Variants in TFAP2C observed in about 807,000 individuals in gnomAD.
TFAP2C encodes the protein activating enhancer-binding protein 2 gamma.
In TFAP2C, 9 loss-of-function variants were observed where a neutral mutation model predicts 42.9. That is an observed-to-expected ratio of 0.21 (90% CI 0.13 to 0.37). TFAP2C has a LOEUF of 0.37. Ranked by LOEUF, TFAP2C falls within the 10% of genes least tolerant of loss-of-function variation. TFAP2C has a pLI of 1.00. For missense variants in TFAP2C, 462 were observed against 591.7 expected, an observed-to-expected ratio of 0.78 and a Z score of 2.27; for synonymous variants, 264 against 256.0, an observed-to-expected ratio of 1.03 and a Z score of -0.30.
chr20:56,637,687 A>T (rs1364938591), intron 6 of TFAP2C, 41 bp from the exon 7 acceptor site: 2 of 1,603,412 alleles, frequency 1.2e-6, no homozygotes, highest in Admixed American at 1.7e-5. Flanking sequence ...ACCTGTAAGG[A>T]GCTAGATGGA....
Position 56,637,851 on chromosome 20 carries a change from C to G in TFAP2C, c.1191C>G (p.Thr397=), listed in dbSNP as rs780319718. Residue 397 remains threonine, a synonymous_variant, in exon 7 of 7, where the codon ACC becomes ACG. Coordinates refer to ENST00000201031, the MANE Select transcript of TFAP2C (RefSeq NM_003222.4). Reference sequence around the variant, plus strand: ...GCTTGTCTCATTTCAGCCTGATTACCCACGGGTTTGGCAGCCAGGCCATCT... The same window carrying G: ...GCTTGTCTCATTTCAGCCTGATTACGCACGGGTTTGGCAGCCAGGCCATCT... The part of the protein sequence containing the change: ...QNCLSHFSLI[T]HGFGSQAICA... The G allele has an allele frequency of 1.2e-6, 2 of 1,608,992 alleles. No individual in the cohort carries two copies. The highest frequency in any genetic ancestry group is 1.7e-5 in the Admixed American group (1 of 60,028).
At chr20:56,637,645 C>T (rs1987610428) in intron 6 of TFAP2C, 83 bp from the exon 7 acceptor site, 8 of 1,435,674 alleles carry the variant, frequency 5.6e-6, no homozygotes, top group Non-Finnish European at 5.7e-6. Flanking sequence ...CTCCCGGGCG[C>T]CAGCCTCAGT....
chr20:56,634,019 C>T (rs930524083), intron 4 of TFAP2C, 131 bp from the exon 5 acceptor site: 3 of 682,738 alleles, frequency 4.4e-6, no homozygotes, highest in Admixed American at 2.4e-5. Flanking sequence ...TTATGGTTCA[C>T]GTGATGTAGA....
chr20:56,634,200 T>C lies in TFAP2C; in HGVS notation c.854T>C (p.Ile285Thr). 1 of 1,614,164 alleles carries C rather than the reference T, an allele frequency of 6.2e-7. No individual in the cohort carries two copies. Among genetic ancestry groups the C allele is most frequent in the Non-Finnish European group, 8.5e-7 (1 of 1,180,020 alleles). ...TCCTTGCGGGAGAAGTTGGACAAGA[T>C]TGGGTTGAATCTTCCGGCCGGGAGG... ...GRSLREKLDK[I>T]GLNLPAGRRK... Residue 285 changes from isoleucine (I) to threonine (T), a missense_variant, in exon 5 of 7, where the codon ATT (isoleucine) becomes ACT (threonine). Transcript: ENST00000201031.
chr20:56,636,834 G>C, intron 6 of TFAP2C, 80 bp downstream of exon 6: 2 of 1,459,950 alleles, frequency 1.4e-6, no homozygotes, highest in Non-Finnish European at 1.8e-6. Context: ...CCACAGTCCC[G>C]ATGGCTCAAC....
intron 3 of TFAP2C, among the ~76,000 whole-genome samples, chr20:56,632,643 A>G (rs1365963823): frequency 6.6e-6 from 1 of 152,202 alleles, no homozygotes; most frequent in African/African-American, 2.4e-5. Flanking sequence ...AGAACGTATT[A>G]GTTTGGATGA....
chr20:56,634,296 G>A, intron 5 of TFAP2C, 28 bp downstream of exon 5: 1 of 1,522,420 alleles, frequency 6.6e-7, no homozygotes, highest in Non-Finnish European at 9.1e-7. Flanking sequence ...TTTGGTTCGT[G>A]ATGTTTTTAA....
In TFAP2C at chr20:56,629,553, GA is replaced by G; in HGVS notation, c.13del (p.Ile5Ter). Reference protein sequence around the residue: MLWKITDNVKYEED... With the variant: MLWXITDNVKYEED... ...GGGGGACGCCGGACGCCATGTTGTG[GA>G]AAATAACCGATAATGTCAAGTACGA... On this transcript the variant is annotated frameshift_variant, in exon 1 of 7. Transcript: ENST00000201031. LOFTEE classifies it high-confidence loss of function. This position sits in a 1 kb window ranked among gnomAD's most constrained non-coding sequence, Gnocchi z 5.9. 1 of 1,430,384 alleles carries G rather than the reference GA, an allele frequency of 7.0e-7. No individual in the cohort carries two copies. 88.6% of individuals were successfully genotyped at this position (1,430,384 alleles called of 1,614,324 possible).
rs1382089333 is a variant in TFAP2C at position 56,631,469 on chromosome 20, G to T, written c.313G>T (p.Gly105Cys). ...AGGCAGCCAGCAGCAGGCCTGGCCC[G>T]GCCGCCAGAGCCAGGAGGGAGCGGG... ...PTGSQQQAWP[G>C]RQSQEGAGLP... Residue 105 changes from glycine (G) to cysteine (C), a missense_variant, in exon 2 of 7, where the codon GGC (glycine) becomes TGC (cysteine). By Grantham distance (159) the Gly-to-Cys change is radical (BLOSUM62 -3). This residue lies in a region of TFAP2C where 271 missense variants were observed against 269.7 expected (regional missense o/e 1.00). Coordinates refer to ENST00000201031, the MANE Select transcript of TFAP2C (RefSeq NM_003222.4). The surrounding 1 kb of genome is among the most constrained non-coding windows in gnomAD (Gnocchi z 6.1). The T allele has an allele frequency of 1.3e-6, 2 of 1,537,696 alleles. No individual in the cohort carries two copies. The highest frequency in any genetic ancestry group is 1.2e-5 in the South Asian group (1 of 81,750).
intron 4 of TFAP2C, 109 bp from the exon 5 acceptor site, chr20:56,634,041 G>A: frequency 2.7e-6 from 2 of 739,200 alleles, no homozygotes; most frequent in Non-Finnish European, 4.7e-6. Context: ...AGTCTTTGAT[G>A]GGTTTCAGCT....
Position 56,630,831 on chromosome 20 carries a change from G to A in TFAP2C, c.49-374G>A, listed in dbSNP as rs368862120. 6.0e-5 allele frequency: 59 copies of A among 984,124 alleles called. No homozygotes were observed. In the African/African-American group the frequency reaches 9.5e-4, roughly 16 times the overall value. 61.0% of individuals were successfully genotyped at this position (984,124 alleles called of 1,614,324 possible). A position where few individuals can be genotyped will look rare whatever the true frequency, so the allele number is the denominator to read the frequency against. The stretch of plus-strand genomic sequence containing the variant: ...GAGATAGCTCTGCACCGGGCGTCCG[G>A]CTCCTTCGCCCCGGGCTCTGGCTCC... On this transcript the variant is annotated intron_variant, in intron 1 of 6. Transcript: ENST00000201031. The surrounding 1 kb of genome is among the most constrained non-coding windows in gnomAD (Gnocchi z 5.1).
intron 3 of TFAP2C, among the ~76,000 whole-genome samples, chr20:56,632,904 G>C (rs1987518204): frequency 6.6e-6 from 1 of 151,880 alleles, no homozygotes; most frequent in South Asian, 2.1e-4. Flanking sequence ...GATTAGATTT[G>C]TCTCTGAAGT....
At chr20:56,637,291 C>T (rs182399348) in intron 6 of TFAP2C, among the ~76,000 whole-genome samples, 264 of 152,270 alleles carry the variant, frequency 1.7e-3, no homozygotes, top group Middle Eastern at 3.4e-3. Flanking sequence ...TAAAAGAGAG[C>T]GCAGTGAACC....
rs1213887475 is a variant in TFAP2C at position 56,631,151 on chromosome 20, G to T, written c.49-54G>T. 2.0e-6 allele frequency: 3 copies of T among 1,471,490 alleles called. No individual in the cohort carries two copies. The highest frequency in any genetic ancestry group is 1.5e-5 in the African/African-American group (1 of 68,112). The allele number at this position is 1,471,490 out of a possible 1,614,324, so 91.2% of individuals were successfully genotyped here. ...GTAGCCCGGCGATGCCGGCCAGTTCGCAGTAGCGGGGTTTCGCACTAACGG... is the reference window on the plus strand; with the variant it reads ...GTAGCCCGGCGATGCCGGCCAGTTCTCAGTAGCGGGGTTTCGCACTAACGG... On this transcript the variant is annotated intron_variant, in intron 1 of 6. Coordinates refer to ENST00000201031, the MANE Select transcript of TFAP2C (RefSeq NM_003222.4). The surrounding 1 kb of genome is among the most constrained non-coding windows in gnomAD (Gnocchi z 6.1).
intron 6 of TFAP2C, 42 bp downstream of exon 6, chr20:56,636,796 A>G (rs1987591174): frequency 6.3e-7 from 1 of 1,581,132 alleles, no homozygotes; most frequent in African/African-American, 1.4e-5. Flanking sequence ...TCAATGCTCT[A>G]GACCTTGAGG....
Position 56,631,102 on chromosome 20 carries a change from G to A in TFAP2C, c.49-103G>A. On this transcript the variant is annotated intron_variant, in intron 1 of 6. Coordinates refer to ENST00000201031, the MANE Select transcript of TFAP2C (RefSeq NM_003222.4). This position sits in a 1 kb window ranked among gnomAD's most constrained non-coding sequence, Gnocchi z 6.1. ...GGGCAAGCCCCGCCGGGCGGGGTGC[G>A]GTTGGTCCCCCGGGGCCCTCTGCGT... 2 of 1,438,004 alleles carry A rather than the reference G, an allele frequency of 1.4e-6. No individual in the cohort carries two copies. The highest frequency in any genetic ancestry group is 1.5e-5 in the South Asian group (1 of 65,660). The allele number at this position is 1,438,004 out of a possible 1,614,324, so 89.1% of individuals were successfully genotyped here. A position where few individuals can be genotyped will look rare whatever the true frequency, so the allele number is the denominator to read the frequency against.
Position 56,631,867 on chromosome 20 carries a change from A to AG in TFAP2C, c.586+13dup. 1 of 1,614,198 alleles carries AG rather than the reference A, an allele frequency of 6.2e-7. No individual in the cohort carries two copies. The highest frequency in any genetic ancestry group is 8.5e-7 in the Non-Finnish European group (1 of 1,180,020). On this transcript the variant is annotated intron_variant, in intron 3 of 6. Transcript: ENST00000201031. This position sits in a 1 kb window ranked among gnomAD's most constrained non-coding sequence, Gnocchi z 6.1. ...CAGTCATTCGCAAAGGTAAATAGCA[A>AG]GGTGGCATCGTCTAACTCTGGTCAC...
At chr20:56,636,824 C>T in intron 6 of TFAP2C, 70 bp downstream of exon 6, 1 of 1,518,948 alleles carries the variant, frequency 6.6e-7, no homozygotes, top group Middle Eastern at 1.8e-4. Context: ...GATTCCCCCT[C>T]CACAGTCCCG....
At position 56,631,186 on chromosome 20, in the gene TFAP2C, T is replaced by G. The variant is rs199796283; in HGVS notation, c.49-19T>G. The G allele has an allele frequency of 4.3e-5, 39 of 903,736 alleles. No homozygotes were observed. In the African/African-American group the frequency reaches 6.3e-4, roughly 15 times the overall value. 56.0% of individuals were successfully genotyped at this position (903,736 alleles called of 1,614,324 possible). The stretch of plus-strand genomic sequence containing the variant: ...GGTTTCGCACTAACGGGGTCTCCTG[T>G]TTTTTTTTTTCCCTCCAGGATCGCC... On this transcript the variant is annotated intron_variant, in intron 1 of 6. Coordinates refer to ENST00000201031, the MANE Select transcript of TFAP2C (RefSeq NM_003222.4). The surrounding 1 kb of genome is among the most constrained non-coding windows in gnomAD (Gnocchi z 6.1).
Sources: gnomAD v4.1 joint callset for allele counts (sites outside exome capture counted in the v4.1 genomes callset) on GRCh38, gnomAD v4.1.1 for gene constraint, gnomAD v4.1.1 regional missense constraint, Gnocchi (gnomAD v3.1) non-coding constraint, MANE v1.5 for transcripts, NCBI Gene and HGNC (gene_info 2026-07-23, HGNC 2026-07-21) for gene names.